Variants in ABCC8 observed in about 807,000 individuals in gnomAD.
ABCC8 encodes ATP-binding cassette sub-family C member 8.
In ABCC8, 137 loss-of-function variants were observed where a neutral mutation model predicts 188.0. The observed-to-expected ratio is 0.73, with a 90% CI of 0.63 to 0.84. ABCC8 has a LOEUF of 0.84. Among genes scored for constraint, ABCC8 ranks in the 40% least tolerant of loss-of-function variants. ABCC8 has a pLI of 0.00. For missense variants in ABCC8, 1,750 were observed against 2,072.7 expected, an observed-to-expected ratio of 0.84 and a Z score of 3.02; for synonymous variants, 797 against 846.5, an observed-to-expected ratio of 0.94 and a Z score of 1.01.
chr11:17,432,163 C>CT, intron 11 of ABCC8, 41 bp downstream of exon 11: 1 of 1,551,770 alleles, frequency 6.4e-7, no homozygotes, highest in Non-Finnish European at 8.7e-7. Context: ...CGCCCTCCCC[C>CT]TCCACCCTAC....
At chr11:17,469,722 A>C (rs1359833857) in intron 3 of ABCC8, among the ~76,000 whole-genome samples, 1 of 152,082 alleles carries the variant, frequency 6.6e-6, no homozygotes, top group African/African-American at 2.4e-5. Context: ...TGCCAAATCT[A>C]TCCCTATCAG....
At chr11:17,411,578 A>G (rs1591757264) in intron 21 of ABCC8, among the ~76,000 whole-genome samples, 1 of 152,150 alleles carries the variant, frequency 6.6e-6, no homozygotes, top group East Asian at 1.9e-4. Flanking sequence ...TCCTTCTTCC[A>G]ACTCACTGTG....
chr11:17,452,807 AGAAAGAGTGCTGT>A (rs1394153873), intron 7 of ABCC8, among the ~76,000 whole-genome samples: 1 of 152,218 alleles, frequency 6.6e-6, no homozygotes, highest in African/African-American at 2.4e-5. Flanking sequence ...ACCCTTGGTC[AGAAAGAGTGCTGT>A]GATCAATTAG....
chr11:17,400,111 G>T (rs1212271821), intron 29 of ABCC8, among the ~76,000 whole-genome samples: 2 of 152,216 alleles, frequency 1.3e-5, no homozygotes, highest in East Asian at 3.8e-4. Flanking sequence ...CTGGGCATTT[G>T]CTTTTCACCC....
intron 10 of ABCC8, among the ~76,000 whole-genome samples, chr11:17,434,987 G>A (rs1396873928): frequency 1.1e-5 from 1 of 87,476 alleles, no homozygotes; most frequent in Non-Finnish European, 2.7e-5. Context: ...GTGTTCGCGT[G>A]TGTGTGTGTG....
chr11:17,452,843 C>A (rs1347218116), intron 7 of ABCC8, among the ~76,000 whole-genome samples: 2 of 152,218 alleles, frequency 1.3e-5, no homozygotes, highest in Non-Finnish European at 2.9e-5. Flanking sequence ...ACGTCTACCA[C>A]TTTCAAGCCA....
chr11:17,427,043 T>G lies in ABCC8; in HGVS notation c.2222+6A>C, dbSNP rs1413055721. 1 of 1,613,726 alleles carries G rather than the reference T, an allele frequency of 6.2e-7. No homozygotes were observed. The highest frequency in any genetic ancestry group is 1.7e-5 in the Admixed American group (1 of 59,970). ...CTCCACTGGGCCCTGAGGATACATG[T>G]ATTACCTGCTCCAGAAGACAGCCCC... On this transcript the variant is annotated splice_donor_region_variant and intron_variant, in intron 16 of 38. Coordinates refer to ENST00000389817, the MANE Select transcript of ABCC8 (RefSeq NM_000352.6). The surrounding 1 kb of genome is among the most constrained non-coding windows in gnomAD (Gnocchi z 5.0).
At chr11:17,449,488 C>T (rs996100295) in intron 7 of ABCC8, among the ~76,000 whole-genome samples, 5 of 152,170 alleles carry the variant, frequency 3.3e-5, no homozygotes, top group African/African-American at 1.2e-4. Flanking sequence ...CCAGCACCAT[C>T]CCCAGAGTGC....
chr11:17,442,573 C>A, intron 10 of ABCC8, 147 bp downstream of exon 10: 1 of 795,786 alleles, frequency 1.3e-6, no homozygotes, highest in Non-Finnish European at 2.2e-6. Flanking sequence ...GCTTAGCTAT[C>A]AGAGCCAGTT....
At chr11:17,408,344 AC>A in intron 23 of ABCC8, 47 bp downstream of exon 23, 1 of 1,563,990 alleles carries the variant, frequency 6.4e-7, no homozygotes, top group Non-Finnish European at 8.8e-7. Flanking sequence ...TTCTAGCAGA[AC>A]CTTTGCATCC....
At chr11:17,435,442 A>C (rs1475636388) in intron 10 of ABCC8, among the ~76,000 whole-genome samples, 1 of 152,206 alleles carries the variant, frequency 6.6e-6, no homozygotes, top group Admixed American at 6.5e-5. Context: ...AGCTGTAGGC[A>C]AAAAAGGGGA....
At chr11:17,458,053 C>G (rs749427155) in intron 6 of ABCC8, among the ~76,000 whole-genome samples, 38 of 152,198 alleles carry the variant, frequency 2.5e-4, no homozygotes, top group Non-Finnish European at 4.4e-4. Flanking sequence ...TCCCTTTCCC[C>G]CATTTTCTGA....
In ABCC8 at chr11:17,448,671, T is replaced by C. The variant is rs1191632659; in HGVS notation, c.1177A>G (p.Thr393Ala). 6.2e-7 allele frequency: 1 copy of C among 1,614,186 alleles called. No homozygotes were observed. The highest frequency in any genetic ancestry group is 2.2e-5 in the East Asian group (1 of 44,888). ...TGCATAATTTTATTGTAAATCTTGGTCTAGAAATGAGAGCAGAGTGTTTCA... is the reference window on the plus strand; with the variant it reads ...TGCATAATTTTATTGTAAATCTTGGCCTAGAAATGAGAGCAGAGTGTTTCA... ...TGINLRGAIQ[T>A]KIYNKIMHLS... The change falls in exon 8 of 39, where the codon ACC becomes GCC. Residue 393 changes from threonine (T) to alanine (A), a missense_variant and splice_region_variant. Physicochemically the swap from Thr to Ala is moderately conservative, Grantham distance 58 (BLOSUM62 0). Transcript: ENST00000389817.
intron 8 of ABCC8, among the ~76,000 whole-genome samples, chr11:17,444,561 A>T (rs528484416): frequency 7.9e-5 from 12 of 152,042 alleles, no homozygotes; most frequent in Admixed American, 7.2e-4. Flanking sequence ...ATGCTCCCCC[A>T]TCCCCTCCTC....
intron 6 of ABCC8, among the ~76,000 whole-genome samples, chr11:17,460,118 T>C (rs1343085247): frequency 1.3e-5 from 2 of 152,308 alleles, no homozygotes; most frequent in East Asian, 1.9e-4. Context: ...AGACAGATCT[T>C]GAAAACTTTT....
intron 7 of ABCC8, among the ~76,000 whole-genome samples, chr11:17,450,298 CTTT>C (rs1956732238): frequency 7.5e-6 from 1 of 134,110 alleles, no homozygotes. Context: ...TTCTTTCTTT[CTTT>C]CTTTCTTTCT....
intron 12 of ABCC8, chr11:17,430,271 G>A (rs1334571805): frequency 5.3e-6 from 1 of 188,462 alleles, no homozygotes; most frequent in Admixed American, 5.3e-5. Context: ...TGAGGCTCTA[G>A]AGCCTGGAAG....
intron 17 of ABCC8, 74 bp from the exon 18 acceptor site, chr11:17,415,413 C>T: frequency 6.4e-7 from 1 of 1,570,756 alleles, no homozygotes; most frequent in East Asian, 2.3e-5. Context: ...TCCTGAGCTC[C>T]CTCCAACCCA....
At position 17,406,354 on chromosome 11, in the gene ABCC8, C is replaced by G. The variant is rs2077654; in HGVS notation, c.3329+268G>C. 0.16 allele frequency: 85,356 copies of G among 524,000 alleles called. 14,412 individuals are homozygous for G. Among genetic ancestry groups the G allele is most frequent in the African/African-American group, 0.65 (34,272 of 52,632 alleles). The allele number at this position is 524,000 out of a possible 1,614,324, so 32.5% of individuals were successfully genotyped here. On this transcript the variant is annotated intron_variant, in intron 26 of 38. Transcript: ENST00000389817. ...CTTAGGGAGGAGAAAACAATCTTTA[C>G]TTGGATGTGCAGACGCTCACTTTAA...
Sources: gnomAD v4.1 joint callset for allele counts (sites outside exome capture counted in the v4.1 genomes callset) on GRCh38, gnomAD v4.1.1 for gene constraint, Gnocchi (gnomAD v3.1) non-coding constraint, MANE v1.5 for transcripts, NCBI Gene and HGNC (gene_info 2026-07-23, HGNC 2026-07-21) for gene names.